INPP4B: variants seen among roughly 807,000 people sequenced by gnomAD.
INPP4B encodes the protein inositol polyphosphate-4-phosphatase type II B.
INPP4B carries 55 observed loss-of-function variants against 122.5 expected under a neutral mutation model. The observed-to-expected ratio is 0.45, with a 90% CI of 0.36 to 0.56. The LOEUF (loss-of-function observed/expected upper bound fraction) is 0.56, where lower values mean the gene tolerates loss of function less well. Among genes scored for constraint, INPP4B ranks in the 20% least tolerant of loss-of-function variants. The probability of loss-of-function intolerance (pLI) is 0.00; values close to 1 mark genes in which losing one functional copy is unlikely to be tolerated. For missense variants in INPP4B, 1,000 were observed against 1,097.7 expected (o/e 0.91, Z 1.26); for synonymous variants, 403 against 388.7 (o/e 1.04, Z -0.43).
At chr4:142,174,502 G>C (rs939564332) in intron 15 of INPP4B, among the ~76,000 whole-genome samples, 1 of 152,078 alleles carries the variant, frequency 6.6e-6, no homozygotes, top group Non-Finnish European at 1.5e-5. Context: ...TTATTGGACA[G>C]AAAAAGGACA....
chr4:142,499,646 C>T (rs1215352183), intron 2 of INPP4B, among the ~76,000 whole-genome samples: 1 of 152,144 alleles, frequency 6.6e-6, no homozygotes, highest in African/African-American at 2.4e-5. Context: ...GAATATGTGA[C>T]TGTTCAGACA....
rs932339672 is a variant in INPP4B, at chr4:142,586,442, T to C, written c.-190-123716A>G. On this transcript the variant is annotated intron_variant, in intron 2 of 25. Coordinates refer to ENST00000262992, the MANE Select transcript of INPP4B (RefSeq NM_001101669.3). ...GTCTCAGAACCTATTTGGAACCATA[T>C]ATTTTCCAAGTCCTGGATAAATGAA... Among the ~76,000 whole-genome samples, 9 of 152,308 alleles carry C rather than the reference T, an allele frequency of 5.9e-5. No homozygotes were observed. In the East Asian group the frequency reaches 1.7e-3, roughly 29 times the overall value.
chr4:142,505,877 T>C (rs1188353246), intron 2 of INPP4B, among the ~76,000 whole-genome samples: 1 of 152,190 alleles, frequency 6.6e-6, no homozygotes, highest in Non-Finnish European at 1.5e-5. Context: ...TACCCAGATA[T>C]TGTATTTATT....
chr4:142,313,499 C>T (rs551207398), intron 8 of INPP4B, among the ~76,000 whole-genome samples: 2 of 152,224 alleles, frequency 1.3e-5, no homozygotes, highest in South Asian at 4.2e-4. Flanking sequence ...CTAGTGGAAA[C>T]ATGTGAGCTG....
At chr4:142,521,825 T>C (rs990672294) in intron 2 of INPP4B, among the ~76,000 whole-genome samples, 2 of 152,158 alleles carry the variant, frequency 1.3e-5, no homozygotes, top group African/African-American at 4.8e-5. Flanking sequence ...TTTACATTTA[T>C]GTGGTATATC....
At chr4:142,086,111 G>T (rs2152545184) in intron 24 of INPP4B, 33 bp downstream of exon 24, 4 of 1,324,294 alleles carry the variant, frequency 3.0e-6, no homozygotes, top group Non-Finnish European at 4.4e-6. Flanking sequence ...TTATGACATG[G>T]CAGGAAATAA....
chr4:142,658,848 A>G (rs1754631548), intron 2 of INPP4B, among the ~76,000 whole-genome samples: 1 of 152,222 alleles, frequency 6.6e-6, no homozygotes, highest in East Asian at 1.9e-4. Flanking sequence ...TAACAGTTCT[A>G]GGAGGTCCAA....
intron 14 of INPP4B, among the ~76,000 whole-genome samples, chr4:142,203,370 TATA>T (rs1418060487): frequency 1.3e-5 from 2 of 152,218 alleles, no homozygotes; most frequent in South Asian, 2.1e-4. Flanking sequence ...TATAGCAAAA[TATA>T]ATACTTTTCT....
intron 11 of INPP4B, among the ~76,000 whole-genome samples, chr4:142,251,292 T>C (rs1430063754): frequency 6.6e-6 from 1 of 152,168 alleles, no homozygotes; most frequent in Non-Finnish European, 1.5e-5. Context: ...ATTTTGGTGA[T>C]AACCTGAATC....
At chr4:142,621,362 A>G (rs1186204931) in intron 2 of INPP4B, among the ~76,000 whole-genome samples, 2 of 151,998 alleles carry the variant, frequency 1.3e-5, no homozygotes, top group African/African-American at 4.8e-5. Context: ...AGTCCTAAAT[A>G]GCTCATGGTA....
At chr4:142,068,655 A>G (rs1765111874) in intron 25 of INPP4B, among the ~76,000 whole-genome samples, 1 of 152,190 alleles carries the variant, frequency 6.6e-6, no homozygotes, top group Non-Finnish European at 1.5e-5. Context: ...AGCAAATGGA[A>G]AACAAAAAAA....
At chr4:142,347,372 A>G (rs1780617952) in intron 7 of INPP4B, 1 of 269,084 alleles carries the variant, frequency 3.7e-6, no homozygotes, top group Non-Finnish European at 7.3e-6. Context: ...CATTCCAATT[A>G]CCTGATTATT....
At chr4:142,182,574 A>T in intron 15 of INPP4B, among the ~76,000 whole-genome samples, 1 of 144,016 alleles carries the variant, frequency 6.9e-6, no homozygotes, top group African/African-American at 2.5e-5. Flanking sequence ...CAAAAAAAAG[A>T]TTCTTAATGT....
intron 16 of INPP4B, among the ~76,000 whole-genome samples, chr4:142,172,710 T>A (rs1021766657): frequency 3.9e-5 from 6 of 152,144 alleles, no homozygotes; most frequent in African/African-American, 1.4e-4. Flanking sequence ...CATACCTGAA[T>A]AAAAAGTATG....
intron 15 of INPP4B, among the ~76,000 whole-genome samples, chr4:142,190,717 A>AGT (rs374099702): frequency 0.04 from 5,751 of 143,816 alleles, 125 homozygotes; most frequent in Middle Eastern, 0.048. Context: ...GATCTGTAAG[A>AGT]GTGTGTGTGT....
chr4:142,090,618 C>A (rs538824553), intron 23 of INPP4B, among the ~76,000 whole-genome samples: 1 of 152,092 alleles, frequency 6.6e-6, no homozygotes, highest in African/African-American at 2.4e-5. Flanking sequence ...GCCAAAGAGT[C>A]TTGCTTTTGC....
intron 12 of INPP4B, among the ~76,000 whole-genome samples, chr4:142,235,719 C>A (rs891094836): frequency 1.3e-5 from 2 of 152,282 alleles, no homozygotes; most frequent in East Asian, 3.9e-4. Flanking sequence ...GCCACCGCGT[C>A]CACCTGACAT....
chr4:142,108,009 T>C (rs920502281), intron 23 of INPP4B, 84 bp downstream of exon 23: 1 of 705,342 alleles, frequency 1.4e-6, no homozygotes, highest in Admixed American at 2.7e-5. Context: ...GCTTCTGTAG[T>C]CCACTGACCT....
intron 2 of INPP4B, chr4:142,514,342 A>G (rs764488222): frequency 6.6e-6 from 1 of 152,176 alleles, no homozygotes; most frequent in Non-Finnish European, 1.5e-5. Context: ...ATCATTCACC[A>G]ATCACAATGA....
Sources: allele counts gnomAD v4.1 joint callset (sites outside exome capture counted in the v4.1 genomes callset), GRCh38; gene constraint gnomAD v4.1.1; transcripts MANE v1.5; gene names NCBI Gene and HGNC (gene_info 2026-07-23, HGNC 2026-07-21).